Variants in TCF20 observed in about 807,000 individuals in gnomAD.
The protein encoded by TCF20 is transcription factor 20.
In TCF20, 3 loss-of-function variants were observed where a neutral mutation model predicts 148.6. The ratio of observed to expected loss-of-function variants is 0.02; its 90% confidence interval spans 0.01 to 0.05. The LOEUF (loss-of-function observed/expected upper bound fraction) is 0.05. Among genes scored for constraint, TCF20 ranks in the 10% least tolerant of loss-of-function variants. TCF20 has a pLI of 1.00. For missense variants in TCF20, 2,350 were observed against 2,429.3 expected (o/e 0.97, Z 0.69); for synonymous variants, 1,049 against 909.5 (o/e 1.15, Z -2.76).
intron 1 of TCF20, among the ~76,000 whole-genome samples, chr22:42,306,949 G>A (rs1228238813): frequency 6.7e-6 from 1 of 149,940 alleles, no homozygotes; most frequent in African/African-American, 2.5e-5. Flanking sequence ...TGAGGCACGA[G>A]AATCGCTTGA....
intron 2 of TCF20, among the ~76,000 whole-genome samples, chr22:42,189,871 T>A (rs1937241881): frequency 6.6e-6 from 1 of 152,208 alleles, no homozygotes; most frequent in South Asian, 2.1e-4. Context: ...ACCTCAAATT[T>A]AGGCAGTCTA....
intron 1 of TCF20, among the ~76,000 whole-genome samples, chr22:42,296,502 C>T (rs1294855914): frequency 6.6e-6 from 1 of 152,270 alleles, no homozygotes; most frequent in South Asian, 2.1e-4. Context: ...CTGGAGTCTC[C>T]TGGCCGGGAT....
intron 2 of TCF20, among the ~76,000 whole-genome samples, chr22:42,201,019 G>A (rs1161984334): frequency 2.0e-5 from 3 of 152,202 alleles, no homozygotes; most frequent in Admixed American, 2.0e-4. Context: ...GTGGGAGGTG[G>A]CTGGATCATG....
chr22:42,242,353 A>T (rs561542934), intron 1 of TCF20, among the ~76,000 whole-genome samples: 1 of 152,146 alleles, frequency 6.6e-6, no homozygotes, highest in South Asian at 2.1e-4. Flanking sequence ...AACAAATAAG[A>T]GATATCACCA....
intron 1 of TCF20, among the ~76,000 whole-genome samples, chr22:42,218,690 G>A (rs552254000): frequency 6.6e-6 from 1 of 152,126 alleles, no homozygotes; most frequent in East Asian, 1.9e-4. Context: ...GTTGCCACTT[G>A]CTCCATATTC....
chr22:42,307,491 G>A (rs1385474811), intron 1 of TCF20, among the ~76,000 whole-genome samples: 1 of 152,286 alleles, frequency 6.6e-6, no homozygotes, highest in South Asian at 2.1e-4. Context: ...CTGCCCTCAC[G>A]GGATGTAAAT....
intron 1 of TCF20, among the ~76,000 whole-genome samples, chr22:42,323,868 G>A (rs1927783690): frequency 7.9e-6 from 1 of 126,704 alleles, no homozygotes; most frequent in African/African-American, 2.7e-5. Context: ...TTATGGTGGT[G>A]GTGGTGGTGG....
chr22:42,315,451 G>A (rs1927611642), intron 1 of TCF20, among the ~76,000 whole-genome samples: 1 of 152,180 alleles, frequency 6.6e-6, no homozygotes, highest in Admixed American at 6.5e-5. Flanking sequence ...AGGAAAGGAG[G>A]GCAGCCCAGG....
rs371502466 is a variant in TCF20, at chr22:42,173,284, A to AC, written c.5750-3389dup. 4.2e-3 allele frequency among the ~76,000 whole-genome samples: 634 copies of AC among 150,024 alleles called. 4 individuals are homozygous for AC. The highest frequency in any genetic ancestry group is 0.014 in the African/African-American group (570 of 40,636). On this transcript the variant is annotated intron_variant, in intron 3 of 5. Transcript: ENST00000677622. Reference sequence around the variant, plus strand: ...CAGAGCTCATGCTCTTATTACTGTAACCCCCCCCACCTGGAGCCAAATCCT... The same window carrying AC: ...CAGAGCTCATGCTCTTATTACTGTAACCCCCCCCCACCTGGAGCCAAATCCT...
chr22:42,174,981 G>C (rs1318798984), intron 3 of TCF20, among the ~76,000 whole-genome samples: 1 of 151,660 alleles, frequency 6.6e-6, no homozygotes, highest in East Asian at 1.9e-4. Flanking sequence ...CTTGCAGTGA[G>C]CCGAGATCGC....
intron 1 of TCF20, among the ~76,000 whole-genome samples, chr22:42,320,777 G>C (rs916532372): frequency 1.3e-5 from 2 of 152,216 alleles, no homozygotes; most frequent in African/African-American, 2.4e-5. Flanking sequence ...CCATTTATCA[G>C]CCAAATGGCT....
At chr22:42,264,056 C>T (rs983470694) in intron 1 of TCF20, among the ~76,000 whole-genome samples, 1 of 152,070 alleles carries the variant, frequency 6.6e-6, no homozygotes, top group Non-Finnish European at 1.5e-5. Flanking sequence ...AGAAGGCACG[C>T]TGGATGCCAG....
At chr22:42,170,335 TAAA>T (rs71803379) in intron 3 of TCF20, among the ~76,000 whole-genome samples, 81 of 139,270 alleles carry the variant, frequency 5.8e-4, no homozygotes, top group East Asian at 1.4e-3. Flanking sequence ...CTGTCACTAT[TAAA>T]AAAAAAAAAA....
At position 42,212,331 on chromosome 22, in the gene TCF20, G is replaced by A; in HGVS notation, c.2975C>T (p.Pro992Leu). Residue 992 changes from proline to leucine, a missense_variant, in exon 2 of 6, where the codon CCT becomes CTT. Around this residue, in one of 7 missense-constraint regions of TCF20, gnomAD observed 1,641 missense variants for 1,662.6 expected, o/e 0.99. Transcript: ENST00000677622. The stretch of plus-strand genomic sequence containing the variant: ...GCCCTCCCGACCACCAACTCTGCCA[G>A]GGACCCGCCGCATTGGCGTGGGTCT... Reference protein sequence around the residue: ...DSRPTPMRRVPGRVGGREGMR... With the variant: ...DSRPTPMRRVLGRVGGREGMR... 1 of 1,614,212 alleles carries A rather than the reference G, an allele frequency of 6.2e-7. No homozygotes were observed. The highest frequency in any genetic ancestry group is 1.1e-5 in the South Asian group (1 of 91,080).
chr22:42,288,921 C>G (rs144527854), upstream of TCF20, among the ~76,000 whole-genome samples: 6 of 152,332 alleles, frequency 3.9e-5, no homozygotes, highest in East Asian at 1.2e-3. Flanking sequence ...TCCCTCCACA[C>G]TGCCACTTTG....
At chr22:42,167,519 A>C (rs180888674) in intron 5 of TCF20, among the ~76,000 whole-genome samples, 11 of 152,152 alleles carry the variant, frequency 7.2e-5, no homozygotes, top group Admixed American at 2.0e-4. Context: ...CACAAGGTAC[A>C]TTTTGGTTTT....
At chr22:42,184,892 A>G (rs139660988) in intron 2 of TCF20, among the ~76,000 whole-genome samples, 157 of 152,350 alleles carry the variant, frequency 1.0e-3, no homozygotes, top group African/African-American at 3.7e-3. Context: ...TTTAACGGAA[A>G]GTGGCCCAGA....
At chr22:42,202,468 A>T (rs1447768723) in intron 2 of TCF20, among the ~76,000 whole-genome samples, 2 of 152,228 alleles carry the variant, frequency 1.3e-5, no homozygotes, top group Non-Finnish European at 1.5e-5. Context: ...TCGCAAGGAA[A>T]CAACAAGTCC....
chr22:42,223,988 G>GAA (rs1922614376), intron 1 of TCF20, among the ~76,000 whole-genome samples: 2 of 152,134 alleles, frequency 1.3e-5, no homozygotes, highest in Non-Finnish European at 1.5e-5. Context: ...AGAAGAGTCT[G>GAA]AAAGCAACTC....
Sources: allele counts gnomAD v4.1 joint callset (sites outside exome capture counted in the v4.1 genomes callset), GRCh38; gene constraint gnomAD v4.1.1; regional missense constraint gnomAD v4.1.1; transcripts MANE v1.5; gene names NCBI Gene and HGNC (gene_info 2026-07-23, HGNC 2026-07-21).